PPARG: variants seen among roughly 807,000 people sequenced by gnomAD.
PPARG encodes the protein peroxisome proliferator activated receptor gamma, also known as peroxisome proliferator-activated receptor gamma.
Under a neutral mutation model 39.2 loss-of-function variants are expected in PPARG, and 17 were observed. That is an observed-to-expected ratio of 0.43 (90% CI 0.30 to 0.65). PPARG has a LOEUF of 0.65. PPARG is among the 30% of genes least tolerant of loss of function. The probability of loss-of-function intolerance (pLI) is 0.13; values close to 1 mark genes in which losing one functional copy is unlikely to be tolerated. For missense variants in PPARG, 406 were observed against 585.9 expected (o/e 0.69, Z 3.17); for synonymous variants, 223 against 215.7 (o/e 1.03, Z -0.30).
intron 2 of PPARG, 101 bp downstream of exon 2, chr3:12,312,554 A>G (rs1374221794): frequency 2.0e-5 from 3 of 152,118 alleles, no homozygotes; most frequent in Non-Finnish European, 4.4e-5. Context: ...TTTCCTAGAG[A>G]GTGATTTTTG....
intron 2 of PPARG, among the ~76,000 whole-genome samples, chr3:12,378,494 A>G (rs1291901664): frequency 6.6e-6 from 1 of 152,224 alleles, no homozygotes; most frequent in African/African-American, 2.4e-5. Context: ...CCTTAAAAAG[A>G]GAAGGAAATC....
chr3:12,308,866 A>G (rs1302243352), intron 1 of PPARG, among the ~76,000 whole-genome samples: 1 of 152,238 alleles, frequency 6.6e-6, no homozygotes, highest in Admixed American at 6.5e-5. Context: ...CTTAAGTTTC[A>G]GTAGAAAGGT....
rs761651488 is a variant in PPARG, at chr3:12,417,161, T to C, written c.1180+7T>C. The C allele has an allele frequency of 1.2e-6, 2 of 1,613,054 alleles. No individual in the cohort carries two copies. Among genetic ancestry groups the C allele is most frequent in the East Asian group, 4.5e-5 (2 of 44,854 alleles). ...GTCATTATTCTCAGTGGAGGTAAGA[T>C]TTGTCTTTTGATCTTCTATGAAAGA... On this transcript the variant is annotated splice_region_variant and intron_variant, in intron 7 of 7. Coordinates refer to ENST00000651735, the MANE Select transcript of PPARG (RefSeq NM_138711.6).
At chr3:12,412,953 A>G (rs1168061546) in intron 6 of PPARG, among the ~76,000 whole-genome samples, 2 of 152,180 alleles carry the variant, frequency 1.3e-5, no homozygotes, top group Admixed American at 1.3e-4. Context: ...AATCATTAAG[A>G]CAAAATTTGA....
intron 2 of PPARG, chr3:12,327,862 A>G (rs1324769648): frequency 1.9e-5 from 9 of 484,650 alleles, no homozygotes; most frequent in Non-Finnish European, 3.3e-5. Flanking sequence ...ATCACAAACA[A>G]AGCAAGCAAA....
At chr3:12,330,665 C>G (rs1002221009) in intron 2 of PPARG, among the ~76,000 whole-genome samples, 2 of 152,206 alleles carry the variant, frequency 1.3e-5, no homozygotes, top group African/African-American at 4.8e-5. Context: ...ACTTGAGAAT[C>G]TGTCTCTCTT....
intron 7 of PPARG, among the ~76,000 whole-genome samples, chr3:12,425,330 T>C (rs1214230498): frequency 6.6e-6 from 1 of 152,008 alleles, no homozygotes; most frequent in Non-Finnish European, 1.5e-5. Flanking sequence ...AGATCACAGG[T>C]TTTTCTGAGA....
chr3:12,385,217 T>G (rs1051575857), intron 4 of PPARG, among the ~76,000 whole-genome samples: 1 of 152,226 alleles, frequency 6.6e-6, no homozygotes, highest in Non-Finnish European at 1.5e-5. Context: ...ATGTGGGTTA[T>G]ATTCATAATT....
upstream of PPARG, chr3:12,287,881 G>A (rs2046546010): frequency 7.1e-6 from 1 of 140,000 alleles, no homozygotes; most frequent in African/African-American, 2.5e-5. Context: ...GCCGGGCCCG[G>A]CTCGGCCCGA....
At chr3:12,347,199 A>G (rs2048351275) in intron 2 of PPARG, among the ~76,000 whole-genome samples, 1 of 151,340 alleles carries the variant, frequency 6.6e-6, no homozygotes, top group Admixed American at 6.6e-5. Flanking sequence ...AAAAAAAAAG[A>G]CACAGCTGAG....
At chr3:12,322,796 G>A (rs532249702) in intron 2 of PPARG, among the ~76,000 whole-genome samples, 5 of 151,810 alleles carry the variant, frequency 3.3e-5, no homozygotes, top group Admixed American at 1.3e-4. Context: ...GGGTTTTTTT[G>A]TTTGTTTGTT....
intron 2 of PPARG, among the ~76,000 whole-genome samples, chr3:12,375,948 CTTTT>C (rs113325527): frequency 6.9e-6 from 1 of 143,918 alleles, no homozygotes; most frequent in Non-Finnish European, 1.5e-5. Context: ...ATTTTCAAGG[CTTTT>C]TTTTTTTTTC....
chr3:12,365,606 A>T (rs1267745215), intron 2 of PPARG, among the ~76,000 whole-genome samples: 2 of 151,648 alleles, frequency 1.3e-5, no homozygotes, highest in African/African-American at 4.8e-5. Context: ...TTATTATTAT[A>T]TTTTTTTGCA....
chr3:12,369,993 AC>A (rs1444078072), intron 2 of PPARG, among the ~76,000 whole-genome samples: 5 of 152,018 alleles, frequency 3.3e-5, no homozygotes, highest in Non-Finnish European at 5.9e-5. Context: ...GCCTGGGACT[AC>A]CTTCCACCTC....
At chr3:12,423,106 A>G (rs983979667) in intron 7 of PPARG, among the ~76,000 whole-genome samples, 3 of 152,184 alleles carry the variant, frequency 2.0e-5, no homozygotes, top group African/African-American at 2.4e-5. Context: ...CCTGGAAATA[A>G]TGATACTGTT....
intron 2 of PPARG, among the ~76,000 whole-genome samples, chr3:12,312,680 TAACTC>T (rs1290757723): frequency 6.6e-6 from 1 of 152,202 alleles, no homozygotes; most frequent in Non-Finnish European, 1.5e-5. Flanking sequence ...AGTTGAGAAA[TAACTC>T]AAATCCTTAA....
At chr3:12,412,380 A>T (rs1172017788) in intron 6 of PPARG, among the ~76,000 whole-genome samples, 1 of 152,190 alleles carries the variant, frequency 6.6e-6, no homozygotes, top group Non-Finnish European at 1.5e-5. Flanking sequence ...AATTGAATTT[A>T]CTCATCTATA....
intron 5 of PPARG, among the ~76,000 whole-genome samples, chr3:12,397,667 C>T (rs896229263): frequency 6.6e-6 from 1 of 152,028 alleles, no homozygotes; most frequent in African/African-American, 2.4e-5. Context: ...ACCTCAGCCT[C>T]TCAAAGTGCT....
intron 2 of PPARG, among the ~76,000 whole-genome samples, chr3:12,317,244 C>T (rs1574978588): frequency 6.6e-6 from 1 of 152,134 alleles, no homozygotes; most frequent in South Asian, 2.1e-4. Flanking sequence ...AGATTAGGAA[C>T]GAAGACAAAT....
Sources: allele counts gnomAD v4.1 joint callset (sites outside exome capture counted in the v4.1 genomes callset), GRCh38; gene constraint gnomAD v4.1.1; transcripts MANE v1.5; gene names NCBI Gene and HGNC (gene_info 2026-07-23, HGNC 2026-07-21).